Variants in KCNMA1 observed in about 807,000 individuals in gnomAD.
KCNMA1 encodes Calcium-activated potassium channel subunit alpha-1.
A neutral mutation model predicts 140.0 loss-of-function variants in KCNMA1; 29 were observed. The observed-to-expected ratio is 0.21, with a 90% CI of 0.15 to 0.28. The LOEUF (loss-of-function observed/expected upper bound fraction) is 0.28, where lower values mean the gene tolerates loss of function less well. Ranked by LOEUF, KCNMA1 falls within the 10% of genes least tolerant of loss-of-function variation. KCNMA1 has a pLI of 1.00. For missense variants in KCNMA1, 880 were observed against 1,602.2 expected (o/e 0.55, Z 7.70); for synonymous variants, 612 against 611.9 (o/e 1.00, Z 0.00).
At chr10:77,019,451 G>A in intron 16 of KCNMA1, 1 of 277,136 alleles carries the variant, frequency 3.6e-6, no homozygotes, top group Non-Finnish European at 6.9e-6. Flanking sequence ...AACTGCTATT[G>A]GTGGTCAACA....
intron 1 of KCNMA1, among the ~76,000 whole-genome samples, chr10:77,406,909 G>A (rs924169387): frequency 6.6e-6 from 1 of 152,128 alleles, no homozygotes; most frequent in Non-Finnish European, 1.5e-5. Context: ...CAGCCCCTTG[G>A]TAGACCCTGG....
At chr10:77,428,881 G>C (rs2097086090) in intron 1 of KCNMA1, among the ~76,000 whole-genome samples, 1 of 152,154 alleles carries the variant, frequency 6.6e-6, no homozygotes, top group South Asian at 2.1e-4. Context: ...CTCCTGGCAG[G>C]CAGTGGGTTT....
intron 5 of KCNMA1, among the ~76,000 whole-genome samples, chr10:77,165,031 T>G (rs1297342186): frequency 6.6e-6 from 1 of 152,182 alleles, no homozygotes; most frequent in African/African-American, 2.4e-5. Flanking sequence ...TACAGACTTC[T>G]GAAGAATGAG....
chr10:77,234,804 G>C (rs1259845963), intron 3 of KCNMA1, among the ~76,000 whole-genome samples: 1 of 152,208 alleles, frequency 6.6e-6, no homozygotes, highest in African/African-American at 2.4e-5. Flanking sequence ...ACAAATGACA[G>C]AGTTGGGATT....
At chr10:77,475,271 A>T (rs2098253962) in intron 1 of KCNMA1, among the ~76,000 whole-genome samples, 1 of 152,194 alleles carries the variant, frequency 6.6e-6, no homozygotes. Flanking sequence ...ATCTACATTT[A>T]TCAGATTCCC....
intron 3 of KCNMA1, among the ~76,000 whole-genome samples, chr10:77,227,615 T>C (rs1050354039): frequency 6.6e-6 from 1 of 152,252 alleles, no homozygotes; most frequent in Non-Finnish European, 1.5e-5. Flanking sequence ...ACTGCTTTCA[T>C]TTCTCTGTCA....
At chr10:77,041,470 C>T (rs1474719845) in intron 14 of KCNMA1, among the ~76,000 whole-genome samples, 4 of 146,258 alleles carry the variant, frequency 2.7e-5, no homozygotes, top group African/African-American at 1.0e-4. Flanking sequence ...GGCCCTAATT[C>T]TTGTATTTTT....
At chr10:76,914,171 G>T in intron 24 of KCNMA1, 1 of 1,440,236 alleles carries the variant, frequency 6.9e-7, no homozygotes, top group Non-Finnish European at 9.6e-7. Flanking sequence ...GTTGGGGAAA[G>T]GGAGTGGAGG....
intron 1 of KCNMA1, among the ~76,000 whole-genome samples, chr10:77,554,443 A>G (rs779919647): frequency 1.4e-5 from 2 of 147,388 alleles, no homozygotes; most frequent in Non-Finnish European, 3.0e-5. Context: ...ACTAAAATAC[A>G]AAAATTAGCT....
chr10:77,557,577 C>T (rs776100246), intron 1 of KCNMA1, among the ~76,000 whole-genome samples: 105 of 151,870 alleles, frequency 6.9e-4, no homozygotes, highest in Non-Finnish European at 1.2e-3. Flanking sequence ...AAAAGTGGAT[C>T]CTCCACATTT....
chr10:76,875,822 C>G (rs1333711415), downstream of KCNMA1: 1 of 152,642 alleles, frequency 6.6e-6, no homozygotes, highest in African/African-American at 2.4e-5. Flanking sequence ...CATTTGACTT[C>G]TGTTGGAAAC....
intron 23 of KCNMA1, among the ~76,000 whole-genome samples, chr10:76,921,198 C>T (rs2055628032): frequency 6.6e-6 from 1 of 152,090 alleles, no homozygotes; most frequent in South Asian, 2.1e-4. Flanking sequence ...AATCCATATG[C>T]TACGTTAAAC....
intron 2 of KCNMA1, among the ~76,000 whole-genome samples, chr10:77,308,534 C>A (rs557423710): frequency 1.3e-5 from 2 of 152,322 alleles, no homozygotes; most frequent in Non-Finnish European, 2.9e-5. Flanking sequence ...GGTAATTCCT[C>A]TAAGTGCACT....
intron 2 of KCNMA1, among the ~76,000 whole-genome samples, chr10:77,295,295 C>T (rs1403842391): frequency 2.0e-5 from 3 of 151,420 alleles, no homozygotes; most frequent in Non-Finnish European, 4.4e-5. Flanking sequence ...TGCAGTGAGC[C>T]GAGATCATGC....
intron 2 of KCNMA1, among the ~76,000 whole-genome samples, chr10:77,300,951 TG>T (rs1327497014): frequency 4.6e-5 from 7 of 152,184 alleles, no homozygotes; most frequent in Admixed American, 1.3e-4. Context: ...ATTCCATTAA[TG>T]GAAGTGAGGC....
At chr10:77,046,029 T>C (rs16934206) in intron 14 of KCNMA1, among the ~76,000 whole-genome samples, 8 of 152,350 alleles carry the variant, frequency 5.3e-5, no homozygotes, top group African/African-American at 1.9e-4. Context: ...TAAAAACCAA[T>C]GACCATTATG....
chr10:76,981,156 T>G (rs976181592), intron 19 of KCNMA1, among the ~76,000 whole-genome samples: 1 of 152,174 alleles, frequency 6.6e-6, no homozygotes, highest in African/African-American at 2.4e-5. Context: ...GTAATTCACA[T>G]GGGTCCATAC....
rs2036259457 is a variant in KCNMA1 at position 76,885,116 on chromosome 10, T to A, written c.*2150A>T. On this transcript the variant is annotated 3_prime_UTR_variant, in exon 28 of 28. Transcript: ENST00000286628. ...ACTGGCACATTCTTATAGTTATAAA[T>A]GTTCTGAGGGCGTAACTTTATAACC... 6.7e-7 allele frequency: 1 copy of A among 1,495,964 alleles called. No individual in the cohort carries two copies. Among genetic ancestry groups the A allele is most frequent in the Non-Finnish European group, 8.9e-7 (1 of 1,121,560 alleles). The allele number at this position is 1,495,964 out of a possible 1,614,324, so 92.7% of individuals were successfully genotyped here.
chr10:77,359,128 G>T (rs1189313371), intron 2 of KCNMA1, among the ~76,000 whole-genome samples: 2 of 152,184 alleles, frequency 1.3e-5, no homozygotes. Context: ...TATTCTTCCT[G>T]TTCTACCCCA....
Sources: allele counts gnomAD v4.1 joint callset (sites outside exome capture counted in the v4.1 genomes callset), GRCh38; gene constraint gnomAD v4.1.1; transcripts MANE v1.5; gene names NCBI Gene and HGNC (gene_info 2026-07-23, HGNC 2026-07-21).